PCTP: variants seen among roughly 807,000 people sequenced by gnomAD.
PCTP encodes phosphatidylcholine transfer protein.
PCTP carries 27 observed loss-of-function variants against 31.0 expected under a neutral mutation model. The observed-to-expected ratio is 0.87, with a 90% CI of 0.64 to 1.20. The LOEUF (loss-of-function observed/expected upper bound fraction) is 1.20. Ranked by LOEUF, PCTP falls within the 50% of genes most tolerant of loss-of-function variation. PCTP has a pLI of 0.00. For missense variants in PCTP, 287 were observed against 268.2 expected (o/e 1.07, Z -0.49); for synonymous variants, 108 against 101.2 (o/e 1.07, Z -0.40).
At chr17:55,752,743 A>T (rs2144897717) in intron 1 of PCTP, among the ~76,000 whole-genome samples, 1 of 152,304 alleles carries the variant, frequency 6.6e-6, no homozygotes, top group African/African-American at 2.4e-5. Flanking sequence ...ATCTTGATGG[A>T]TTACTCACTC....
rs1485640505 is a variant in PCTP at position 55,839,945 on chromosome 17, A to AC, written n.506-2782_506-2781insC. Among the ~76,000 whole-genome samples, 121 of 143,974 alleles carry AC rather than the reference A, an allele frequency of 8.4e-4. 5 individuals are homozygous for AC. Among genetic ancestry groups the AC allele is most frequent in the Non-Finnish European group, 1.5e-3 (95 of 63,722 alleles). The allele number at this position is 143,974 out of a possible 152,430, so 94.5% of individuals were successfully genotyped here. On this transcript the variant is annotated intron_variant and non_coding_transcript_variant, in intron 5 of 5. Coordinates refer to the PCTP transcript ENST00000576221. The stretch of plus-strand genomic sequence containing the variant: ...AAAAAAAAAAAAAAAAAAAAAAAAA[A>AC]AACAACTGAAGCACGTTTTCAAGGT...
At chr17:55,805,917 T>TGTGTGTGTGTGTGTGTGTGTGTG (rs1159147410) in intron 3 of PCTP, among the ~76,000 whole-genome samples, 6 of 151,622 alleles carry the variant, frequency 4.0e-5, no homozygotes, top group Admixed American at 1.3e-4. Flanking sequence ...TGTGTGTGTG[T>TGTGTGTGTGTGTGTGTGTGTGTG]TTGACTTTAG....
At chr17:55,823,430 A>T (rs1271364745), downstream of PCTP, among the ~76,000 whole-genome samples, 1 of 152,264 alleles carries the variant, frequency 6.6e-6, no homozygotes, top group South Asian at 2.1e-4. Flanking sequence ...ACTAAAAAGT[A>T]GCGACTGGGA....
At chr17:55,753,138 C>T (rs1457380103) in intron 1 of PCTP, among the ~76,000 whole-genome samples, 1 of 152,236 alleles carries the variant, frequency 6.6e-6, no homozygotes, top group Non-Finnish European at 1.5e-5. Flanking sequence ...TTCAACTGCT[C>T]AGACGTGTCT....
At chr17:55,839,232 A>C (rs1254459251) in intron 5 of PCTP, among the ~76,000 whole-genome samples, 2 of 152,182 alleles carry the variant, frequency 1.3e-5, no homozygotes, top group Non-Finnish European at 2.9e-5. Flanking sequence ...TAAAAGGGGA[A>C]CAATAACGAT....
At chr17:55,801,838 A>G (rs1218635888) in intron 3 of PCTP, among the ~76,000 whole-genome samples, 1 of 152,198 alleles carries the variant, frequency 6.6e-6, no homozygotes, top group African/African-American at 2.4e-5. Flanking sequence ...TTCAAAAGCT[A>G]GCAGAAGACA....
chr17:55,825,300 A>G (rs1346118488), downstream of PCTP, among the ~76,000 whole-genome samples: 5 of 152,248 alleles, frequency 3.3e-5, no homozygotes, highest in African/African-American at 1.2e-4. Context: ...GTCAACTTCA[A>G]AATAAGGATT....
downstream of PCTP, among the ~76,000 whole-genome samples, chr17:55,826,023 T>C (rs999790210): frequency 2.0e-5 from 3 of 152,152 alleles, no homozygotes; most frequent in Admixed American, 6.5e-5. Context: ...GTGTGAAAGA[T>C]GAGAAAATCA....
downstream of PCTP, among the ~76,000 whole-genome samples, chr17:55,844,539 T>C (rs1263348751): frequency 6.6e-6 from 1 of 152,062 alleles, no homozygotes; most frequent in Non-Finnish European, 1.5e-5. Context: ...GGACCTTCAT[T>C]TTACAGAGGA....
chr17:55,787,270 G>A (rs1297083292), intron 2 of PCTP, among the ~76,000 whole-genome samples: 1 of 151,034 alleles, frequency 6.6e-6, no homozygotes, highest in Admixed American at 6.6e-5. Flanking sequence ...TCCAATCCTT[G>A]TGTTTTAATT....
At chr17:55,849,741 C>T in the PCTP span, among the ~76,000 whole-genome samples, 2 of 151,920 alleles carry the variant, frequency 1.3e-5, no homozygotes, top group Non-Finnish European at 2.9e-5. Context: ...ACCCTAAGAC[C>T]AAACATAGAC....
chr17:55,751,118 CG>C lies in PCTP; in HGVS notation c.17del (p.Gly6GlufsTer28). MELAAGSFSEEQFWEA... is the reference protein window; with the variant it reads MELAAXSFSEEQFWEA... Reference sequence around the variant, plus strand: ...ACTGCGGAAGGATGGAGCTGGCCGCCGGAAGCTTCTCGGAGGAGCAGTTCTG... The same window carrying C: ...ACTGCGGAAGGATGGAGCTGGCCGCCGAAGCTTCTCGGAGGAGCAGTTCTG... On this transcript the variant is annotated frameshift_variant, in exon 1 of 6. Transcript: ENST00000268896. LOFTEE classifies it high-confidence loss of function. 6.5e-7 allele frequency: 1 copy of C among 1,541,684 alleles called. No individual in the cohort carries two copies. The highest frequency in any genetic ancestry group is 8.7e-7 in the Non-Finnish European group (1 of 1,143,784).
At chr17:55,811,863 G>A (rs538258512) in intron 3 of PCTP, among the ~76,000 whole-genome samples, 15 of 152,298 alleles carry the variant, frequency 9.8e-5, no homozygotes, top group Admixed American at 2.0e-4. Context: ...CTAGAGGAGC[G>A]TGGGATGCCT....
intron 1 of PCTP, among the ~76,000 whole-genome samples, chr17:55,761,949 T>G (rs1466593722): frequency 6.6e-6 from 1 of 152,210 alleles, no homozygotes; most frequent in East Asian, 1.9e-4. Flanking sequence ...GAGAGACTTG[T>G]ATTCAAATGG....
chr17:55,840,850 G>A (rs542074708), intron 5 of PCTP, among the ~76,000 whole-genome samples: 2 of 152,184 alleles, frequency 1.3e-5, no homozygotes, highest in African/African-American at 4.8e-5. Context: ...ATACATTGGA[G>A]CATTTTAGAT....
rs749300850 is a variant in PCTP, at chr17:55,773,936, C to G, written c.511+41C>G. On this transcript the variant is annotated intron_variant, in intron 4 of 5. Coordinates refer to ENST00000268896, the MANE Select transcript of PCTP (RefSeq NM_021213.4). ...CCTGTCAGTGCACCCAGCCAGGGGTCCCCCACGGGAGGGCCAGGCTGATGG... is the reference window on the plus strand; with the variant it reads ...CCTGTCAGTGCACCCAGCCAGGGGTGCCCCACGGGAGGGCCAGGCTGATGG... 40 of 1,541,926 alleles carry G rather than the reference C, an allele frequency of 2.6e-5. No homozygotes were observed. In the South Asian group the frequency reaches 4.2e-4, roughly 16 times the overall value.
At chr17:55,796,540 G>A (rs1436498852) in intron 3 of PCTP, among the ~76,000 whole-genome samples, 4 of 152,132 alleles carry the variant, frequency 2.6e-5, no homozygotes, top group African/African-American at 4.8e-5. Flanking sequence ...CAGGGAAAGC[G>A]TCAGCAGACA....
chr17:55,789,716 C>T (rs1201498349), intron 3 of PCTP, among the ~76,000 whole-genome samples: 3 of 152,124 alleles, frequency 2.0e-5, no homozygotes, highest in African/African-American at 7.2e-5. Context: ...CCGAATTCTA[C>T]CAGAGGTACA....
Position 55,833,763 on chromosome 17 carries a change from C to A in PCTP, n.506-8964C>A, listed in dbSNP as rs545889136. Among the ~76,000 whole-genome samples, 4 of 152,286 alleles carry A rather than the reference C, an allele frequency of 2.6e-5. No homozygotes were observed. The East Asian group carries it at 7.7e-4, about 29-fold the overall frequency. On this transcript the variant is annotated intron_variant and non_coding_transcript_variant, in intron 5 of 5. Coordinates refer to the PCTP transcript ENST00000576221. The stretch of plus-strand genomic sequence containing the variant: ...CTCTTTGCACAATGTTATTTAGAAG[C>A]AATTGGAATATTCTCATCCCCCGCT...
Sources: gnomAD v4.1 joint callset for allele counts (sites outside exome capture counted in the v4.1 genomes callset) on GRCh38, gnomAD v4.1.1 for gene constraint, MANE v1.5 for transcripts, NCBI Gene and HGNC (gene_info 2026-07-23, HGNC 2026-07-21) for gene names.